JAK2: variants seen among roughly 807,000 people sequenced by gnomAD.
The protein encoded by JAK2 is tyrosine-protein kinase JAK2.
In JAK2, 86 loss-of-function variants were observed where a neutral mutation model predicts 139.3. The ratio of observed to expected loss-of-function variants is 0.62; its 90% confidence interval spans 0.52 to 0.74. The LOEUF (loss-of-function observed/expected upper bound fraction) is 0.74, where lower values mean the gene tolerates loss of function less well. Ranked by LOEUF, JAK2 falls within the 30% of genes least tolerant of loss-of-function variation. JAK2 has a pLI of 0.00. For synonymous variants in JAK2, 490 were observed against 437.7 expected, an observed-to-expected ratio of 1.12 and a Z score of -1.49; for missense variants, 1,421 against 1,360.3, an observed-to-expected ratio of 1.04 and a Z score of -0.70.
At chr9:5,092,240 C>T (rs76155079) in intron 22 of JAK2, among the ~76,000 whole-genome samples, 2 of 152,032 alleles carry the variant, frequency 1.3e-5, no homozygotes, top group Non-Finnish European at 2.9e-5. Context: ...AGCAGTAAAC[C>T]AAGAGTAGAG....
intron 3 of JAK2, among the ~76,000 whole-genome samples, chr9:5,023,763 T>C (rs1163368263): frequency 6.6e-6 from 1 of 152,180 alleles, no homozygotes; most frequent in Non-Finnish European, 1.5e-5. Context: ...GTTTTAGTTT[T>C]TAGTGGGGAA....
Position 5,054,468 on chromosome 9 carries a change from C to G in JAK2, c.615-95C>G. On this transcript the variant is annotated intron_variant, in intron 6 of 24. Coordinates refer to ENST00000381652, the MANE Select transcript of JAK2 (RefSeq NM_004972.4). The surrounding 1 kb of genome is among the most constrained non-coding windows in gnomAD (Gnocchi z 4.9). ...CACTGTGTTGTAAGGCCTACTTAATCATGGAAAAAGGTGGTAACTTCTTTT... is the reference window on the plus strand; with the variant it reads ...CACTGTGTTGTAAGGCCTACTTAATGATGGAAAAAGGTGGTAACTTCTTTT... The G allele has an allele frequency of 9.6e-7, 1 of 1,041,936 alleles. No homozygotes were observed. Among genetic ancestry groups the G allele is most frequent in the Non-Finnish European group, 1.4e-6 (1 of 708,936 alleles). 64.5% of individuals were successfully genotyped at this position (1,041,936 alleles called of 1,614,324 possible).
chr9:5,040,016 A>G (rs1014438888), intron 4 of JAK2, among the ~76,000 whole-genome samples: 3 of 152,232 alleles, frequency 2.0e-5, no homozygotes, highest in Non-Finnish European at 4.4e-5. Flanking sequence ...CAATCTTGAA[A>G]CAATACAAAG....
At chr9:5,056,574 C>T (rs371551766) in intron 8 of JAK2, among the ~76,000 whole-genome samples, 2 of 152,064 alleles carry the variant, frequency 1.3e-5, no homozygotes, top group East Asian at 1.9e-4. Flanking sequence ...TGATAGTACA[C>T]CTACTGCCTA....
rs186964609 is a variant in JAK2, at chr9:5,104,316, G to A, written c.3059+13405G>A. ...CACAAATAAACTAGAAAATCTAGAA[G>A]AAATGGATAAATTCCTGGACACATA... On this transcript the variant is annotated intron_variant, in intron 22 of 24. Transcript: ENST00000381652. Among the ~76,000 whole-genome samples, 5 of 152,182 alleles carry A rather than the reference G, an allele frequency of 3.3e-5. No individual in the cohort carries two copies. The East Asian group carries it at 9.6e-4, about 29-fold the overall frequency.
At chr9:5,005,397 C>T (rs912710484) in intron 2 of JAK2, among the ~76,000 whole-genome samples, 9 of 151,850 alleles carry the variant, frequency 5.9e-5, no homozygotes, top group African/African-American at 2.2e-4. Flanking sequence ...ATATTTTCTC[C>T]TGTTTTATAG....
At chr9:5,104,578 G>T (rs1312472806) in intron 22 of JAK2, among the ~76,000 whole-genome samples, 1 of 152,168 alleles carries the variant, frequency 6.6e-6, no homozygotes, top group South Asian at 2.1e-4. Flanking sequence ...GCATCAGCCC[G>T]ATACCAAAGC....
At chr9:5,103,697 C>A (rs1821714033) in intron 22 of JAK2, among the ~76,000 whole-genome samples, 1 of 152,064 alleles carries the variant, frequency 6.6e-6, no homozygotes, top group Admixed American at 6.5e-5. Flanking sequence ...CGTAAAAGAA[C>A]AGATATCACA....
At chr9:5,017,460 C>A (rs1822141468) in intron 2 of JAK2, among the ~76,000 whole-genome samples, 1 of 152,066 alleles carries the variant, frequency 6.6e-6, no homozygotes, top group African/African-American at 2.4e-5. Context: ...TAATCTTTTC[C>A]ATCATTTTTA....
At chr9:5,072,664 T>C in intron 13 of JAK2, 38 bp downstream of exon 13, 1 of 1,473,928 alleles carries the variant, frequency 6.8e-7, no homozygotes, top group South Asian at 1.4e-5. Context: ...TAGTTTATGC[T>C]GTTTAAAGAT....
Position 5,073,691 on chromosome 9 carries a change from T to G in JAK2, c.1777-7T>G, listed in dbSNP as rs779087646. ...CAACAATTCTTTGTACTTTTTTTTT[T>G]CCTTAGTCTTTCTTTGAAGCAGCAA... On this transcript the variant is annotated splice_polypyrimidine_tract_variant and splice_region_variant and intron_variant, in intron 13 of 24. Coordinates refer to ENST00000381652, the MANE Select transcript of JAK2 (RefSeq NM_004972.4). 5.6e-6 allele frequency: 9 copies of G among 1,600,928 alleles called. No homozygotes were observed. The highest frequency in any genetic ancestry group is 7.7e-6 in the Non-Finnish European group (9 of 1,172,426).
At chr9:5,075,133 T>C (rs549578603) in intron 14 of JAK2, among the ~76,000 whole-genome samples, 46 of 152,112 alleles carry the variant, frequency 3.0e-4, no homozygotes, top group Non-Finnish European at 4.7e-4. Context: ...AGAAGAAAAG[T>C]TGGAAGCTAG....
chr9:5,036,037 A>T (rs1475958167), intron 4 of JAK2, among the ~76,000 whole-genome samples: 1 of 152,250 alleles, frequency 6.6e-6, no homozygotes, highest in African/African-American at 2.4e-5. Context: ...GCAAAGTCTC[A>T]GCATACAAAA....
chr9:5,114,670 G>A, intron 22 of JAK2: 2 of 441,348 alleles, frequency 4.5e-6, no homozygotes, highest in South Asian at 3.6e-5. Context: ...AAGGGCTCTG[G>A]CGTCTTAGTC....
intron 22 of JAK2, chr9:5,114,203 C>A: frequency 2.1e-6 from 1 of 481,622 alleles, no homozygotes; most frequent in Non-Finnish European, 4.1e-6. Context: ...CCTACCTGAG[C>A]CGGTCCAGCC....
At chr9:5,097,636 A>G (rs1251280692) in intron 22 of JAK2, 1 of 128,834 alleles carries the variant, frequency 7.8e-6, no homozygotes, top group Non-Finnish European at 1.5e-5. Flanking sequence ...CTGATTAGCT[A>G]CACTGCGTGG....
Position 5,054,707 on chromosome 9 carries a change from GTATC to G in JAK2, c.761_764del (p.Tyr254LeufsTer2). On this transcript the variant is annotated frameshift_variant, in exon 7 of 25. Transcript: ENST00000381652. LOFTEE classifies it high-confidence loss of function. This position sits in a 1 kb window ranked among gnomAD's most constrained non-coding sequence, Gnocchi z 4.9. ...CCACTGCCAGAAACTTGAAACTTAA[GTATC>G]TTATAAATCTGGAAACTCTGCAGTC... 1 of 1,613,334 alleles carries G rather than the reference GTATC, an allele frequency of 6.2e-7. No homozygotes were observed. The highest frequency in any genetic ancestry group is 8.5e-7 in the Non-Finnish European group (1 of 1,179,448).
intron 19 of JAK2, among the ~76,000 whole-genome samples, chr9:5,087,032 A>G (rs747710074): frequency 2.6e-5 from 4 of 152,230 alleles, no homozygotes; most frequent in Non-Finnish European, 5.9e-5. Context: ...TCAAACACTA[A>G]AAGAAAAAAA....
chr9:5,110,673 C>G lies in JAK2; in HGVS notation c.3060-12331C>G, dbSNP rs1822401519. ...CGAAACCACAAATACTGTCATATAC[C>G]AACGCCTGAGCCCTTTCTATTACTC... On this transcript the variant is annotated intron_variant, in intron 22 of 24. Coordinates refer to ENST00000381652, the MANE Select transcript of JAK2 (RefSeq NM_004972.4). The G allele has an allele frequency of 9.6e-6, 3 of 310,884 alleles. No individual in the cohort carries two copies. In the Admixed American group the frequency reaches 1.3e-4, roughly 13 times the overall value. 19.3% of individuals were successfully genotyped at this position (310,884 alleles called of 1,614,324 possible). A position where few individuals can be genotyped will look rare whatever the true frequency, so the allele number is the denominator to read the frequency against.
Sources: allele counts gnomAD v4.1 joint callset (sites outside exome capture counted in the v4.1 genomes callset), GRCh38; gene constraint gnomAD v4.1.1; non-coding constraint Gnocchi (gnomAD v3.1); transcripts MANE v1.5; gene names NCBI Gene and HGNC (gene_info 2026-07-23, HGNC 2026-07-21).